The following TTC39B variants were observed in gnomAD, a reference collection of about 807,000 sequenced individuals.
The protein encoded by TTC39B is tetratricopeptide repeat protein 39B.
A neutral mutation model predicts 96.6 loss-of-function variants in TTC39B; 92 were observed. That is an observed-to-expected ratio of 0.95 (90% confidence interval 0.80 to 1.13). TTC39B has a LOEUF of 1.13. Among genes scored for constraint, TTC39B ranks in the 50% most tolerant of loss-of-function variants. The pLI is 0.00. For synonymous variants in TTC39B, 367 were observed against 299.4 expected (o/e 1.23, Z -2.33); for missense variants, 955 against 809.3 (o/e 1.18, Z -2.18).
chr9:15,182,273 C>G, intron 17 of TTC39B, 34 bp downstream of exon 17: 1 of 1,418,916 alleles, frequency 7.0e-7, no homozygotes, highest in East Asian at 2.3e-5. Context: ...GGAGCAGAGA[C>G]AAAGGCTCCT....
chr9:15,251,979 T>C (rs1271216497), intron 2 of TTC39B, among the ~76,000 whole-genome samples: 1 of 151,940 alleles, frequency 6.6e-6, no homozygotes, highest in African/African-American at 2.4e-5. Context: ...CCTGCTCCCC[T>C]GGAGCTCTCA....
chr9:15,229,218 CT>C (rs1456958677), intron 2 of TTC39B, among the ~76,000 whole-genome samples: 4 of 152,154 alleles, frequency 2.6e-5, no homozygotes, highest in African/African-American at 9.7e-5. Context: ...ACAGTCTGAG[CT>C]ACATTTAATT....
At chr9:15,285,286 A>G (rs1823926344) in intron 1 of TTC39B, among the ~76,000 whole-genome samples, 1 of 151,854 alleles carries the variant, frequency 6.6e-6, no homozygotes, top group Non-Finnish European at 1.5e-5. Flanking sequence ...AAAAAAAAAA[A>G]AAGATCCTTT....
chr9:15,192,831 T>G, intron 8 of TTC39B, 136 bp from the exon 9 acceptor site: 1 of 617,340 alleles, frequency 1.6e-6, no homozygotes, highest in Admixed American at 2.9e-5. Context: ...AGGATGATGC[T>G]GTGCTGAGTT....
At chr9:15,290,554 T>G (rs1196976425) in intron 1 of TTC39B, among the ~76,000 whole-genome samples, 1 of 152,232 alleles carries the variant, frequency 6.6e-6, no homozygotes, top group African/African-American at 2.4e-5. Flanking sequence ...CTAGAAGTCA[T>G]CCTACCATCC....
At chr9:15,254,628 C>T (rs760590785) in intron 2 of TTC39B, among the ~76,000 whole-genome samples, 1 of 151,746 alleles carries the variant, frequency 6.6e-6, no homozygotes, top group Non-Finnish European at 1.5e-5. Flanking sequence ...TCTACTGTAC[C>T]GAGACAAAGA....
intron 2 of TTC39B, among the ~76,000 whole-genome samples, chr9:15,258,655 G>C (rs1392973715): frequency 6.6e-6 from 1 of 152,204 alleles, no homozygotes; most frequent in Non-Finnish European, 1.5e-5. Flanking sequence ...TACCAGGGCT[G>C]AGAAAGTCAG....
At chr9:15,226,469 G>A (rs1213131810) in intron 2 of TTC39B, among the ~76,000 whole-genome samples, 2 of 152,076 alleles carry the variant, frequency 1.3e-5, no homozygotes, top group African/African-American at 4.8e-5. Context: ...TCTGCAACAT[G>A]CTGCTGACTG....
chr9:15,265,927 G>A (rs1563774426), intron 2 of TTC39B, among the ~76,000 whole-genome samples: 1 of 152,178 alleles, frequency 6.6e-6, no homozygotes, highest in African/African-American at 2.4e-5. Flanking sequence ...GAAAACGAGA[G>A]TCTGAGAGAC....
intron 2 of TTC39B, among the ~76,000 whole-genome samples, chr9:15,231,308 C>A (rs577160707): frequency 6.6e-6 from 1 of 152,190 alleles, no homozygotes; most frequent in East Asian, 1.9e-4. Context: ...CCACCATGCC[C>A]GGCCAGCTAT....
At chr9:15,224,596 G>A (rs899147132) in intron 3 of TTC39B, 2 of 152,198 alleles carry the variant, frequency 1.3e-5, no homozygotes, top group East Asian at 1.9e-4. Flanking sequence ...CTGCCTGTGC[G>A]TGTCATGCCC....
chr9:15,241,742 CTTTTT>C lies in TTC39B; in HGVS notation c.276-15735_276-15731del, dbSNP rs5896669. On this transcript the variant is annotated intron_variant, in intron 2 of 19. Transcript: ENST00000512701. ...TTTCGTAAGTTTCTTTTAATTAACT[CTTTTT>C]TTTTTTTTTTTTTGAGACAGAGTCT... Among the ~76,000 whole-genome samples the C allele has an allele frequency of 4.6e-5, 6 of 129,140 alleles. 1 individual carries two copies. Among genetic ancestry groups the C allele is most frequent in the African/African-American group, 1.5e-4 (5 of 34,436 alleles). 84.7% of individuals were successfully genotyped at this position (129,140 alleles called of 152,430 possible).
chr9:15,265,233 T>A (rs903753786), intron 2 of TTC39B, among the ~76,000 whole-genome samples: 1 of 152,168 alleles, frequency 6.6e-6, no homozygotes, highest in Admixed American at 6.5e-5. Context: ...AATGCCTTCC[T>A]GAGGTCCCAA....
intron 4 of TTC39B, among the ~76,000 whole-genome samples, chr9:15,213,259 G>C (rs1269318329): frequency 6.6e-6 from 1 of 152,172 alleles, no homozygotes; most frequent in Non-Finnish European, 1.5e-5. Flanking sequence ...GAAAAAAGCA[G>C]AGGACAGGCA....
exon 20 of TTC39B, chr9:15,168,108 G>A (rs1412099128): frequency 6.6e-6 from 1 of 152,210 alleles, no homozygotes; most frequent in East Asian, 1.9e-4. Context: ...GCTATTGGGA[G>A]GCCTTTAAGA....
chr9:15,262,050 T>A (rs1822965918), intron 2 of TTC39B, among the ~76,000 whole-genome samples: 1 of 152,182 alleles, frequency 6.6e-6, no homozygotes, highest in South Asian at 2.1e-4. Context: ...GCCGAACAGG[T>A]CATAAAGTTC....
In TTC39B at chr9:15,177,022, C is replaced by T. The variant is rs114373477; in HGVS notation, c.1841+675G>A. 3.1e-3 allele frequency among the ~76,000 whole-genome samples: 473 copies of T among 152,310 alleles called. 4 individuals carry two copies. Among genetic ancestry groups the T allele is most frequent in the African/African-American group, 0.011 (458 of 41,564 alleles). On this transcript the variant is annotated intron_variant, in intron 18 of 19. Transcript: ENST00000512701. ...CAAAAGAGAGACAGAGTGCTCATCA[C>T]ATGCCTCTCTTTACTGCCAAATTAT...
intron 1 of TTC39B, among the ~76,000 whole-genome samples, chr9:15,276,755 G>C (rs201142032): frequency 3.7e-4 from 56 of 152,302 alleles, no homozygotes; most frequent in Admixed American, 1.0e-3. Flanking sequence ...GGTGAGTCCA[G>C]CCTTTCAATC....
intron 1 of TTC39B, among the ~76,000 whole-genome samples, chr9:15,304,228 C>T (rs1824685970): frequency 6.6e-6 from 1 of 152,284 alleles, no homozygotes; most frequent in South Asian, 2.1e-4. Context: ...GCCATCTCTA[C>T]GTTATAAATT....
Sources: gnomAD v4.1 joint callset for allele counts (sites outside exome capture counted in the v4.1 genomes callset) on GRCh38, gnomAD v4.1.1 for gene constraint, MANE v1.5 for transcripts, NCBI Gene and HGNC (gene_info 2026-07-23, HGNC 2026-07-21) for gene names.